The following OIP5 variants were observed in gnomAD, a reference collection of about 807,000 sequenced individuals.
OIP5 encodes protein Mis18-beta.
Under a neutral mutation model 20.3 loss-of-function variants are expected in OIP5, and 24 were observed. The ratio of observed to expected loss-of-function variants is 1.18; its 90% confidence interval spans 0.86 to 1.66. The LOEUF (loss-of-function observed/expected upper bound fraction) is 1.66, where lower values mean the gene tolerates loss of function less well. Ranked by LOEUF, OIP5 falls within the 40% of genes most tolerant of loss-of-function variation. The probability of loss-of-function intolerance (pLI) is 0.00; values close to 1 mark genes in which losing one functional copy is unlikely to be tolerated. For missense variants in OIP5, 339 were observed against 289.5 expected, an observed-to-expected ratio of 1.17 and a Z score of -1.24; for synonymous variants, 143 against 121.3, an observed-to-expected ratio of 1.18 and a Z score of -1.17.
chr15:41,316,205 G>A (rs1389804549), intron 3 of OIP5, among the ~76,000 whole-genome samples: 1 of 152,108 alleles, frequency 6.6e-6, no homozygotes, highest in African/African-American at 2.4e-5. Context: ...TAACATTTTG[G>A]GAAGCCCAGG....
At chr15:41,331,010 G>A (rs910006264) in intron 2 of OIP5, among the ~76,000 whole-genome samples, 5 of 152,110 alleles carry the variant, frequency 3.3e-5, no homozygotes, top group Non-Finnish European at 7.4e-5. Context: ...TTTTATTCAG[G>A]AAAAAGAAAG....
Position 41,309,765 on chromosome 15 carries a change from G to T in OIP5, c.679C>A (p.Pro227Thr), listed in dbSNP as rs772241361. Residue 227 changes from proline (P) to threonine (T), a missense_variant, in exon 5 of 5, where the codon CCA becomes ACA. Physicochemically the swap from Pro to Thr is conservative, Grantham distance 38. Coordinates refer to ENST00000220514, the MANE Select transcript of OIP5 (RefSeq NM_007280.2). ...LSEVTPDQSK[P>T]EN ...GCTTTGGTACAGGATCAGTTTTCTG[G>T]CTTGGACTGGTCAGGAGTCACTTCA... The T allele has an allele frequency of 1.2e-6, 2 of 1,612,560 alleles. No homozygotes were observed. Among genetic ancestry groups the T allele is most frequent in the Admixed American group, 1.7e-5 (1 of 60,010 alleles).
intron 2 of OIP5, among the ~76,000 whole-genome samples, chr15:41,323,945 GAGA>G (rs1168301593): frequency 6.6e-6 from 1 of 150,404 alleles, no homozygotes; most frequent in Non-Finnish European, 1.5e-5. Context: ...TTTTGTTATG[GAGA>G]AGGTTTCTTT....
chr15:41,321,238 C>CG (rs1186566522), intron 2 of OIP5, among the ~76,000 whole-genome samples: 2 of 148,748 alleles, frequency 1.3e-5, no homozygotes, highest in Non-Finnish European at 3.0e-5. Flanking sequence ...CCGCCCCGTC[C>CG]GGGAGGGAGG....
intron 2 of OIP5, among the ~76,000 whole-genome samples, chr15:41,324,145 C>G (rs2047847352): frequency 6.6e-6 from 1 of 151,974 alleles, no homozygotes; most frequent in Non-Finnish European, 1.5e-5. Flanking sequence ...AGGTGTGCGC[C>G]ACCACATCCG....
chr15:41,325,609 G>A (rs1286511802), intron 2 of OIP5, among the ~76,000 whole-genome samples: 1 of 151,640 alleles, frequency 6.6e-6, no homozygotes, highest in Non-Finnish European at 1.5e-5. Context: ...CCAGCACTAT[G>A]GGAAGCCAAG....
chr15:41,309,633 A>G lies in OIP5; in HGVS notation c.*121T>C, dbSNP rs1259899209. On this transcript the variant is annotated 3_prime_UTR_variant, in exon 5 of 5. Coordinates refer to ENST00000220514, the MANE Select transcript of OIP5 (RefSeq NM_007280.2). Reference sequence around the variant, plus strand: ...AATTTGGAAAATCAGCCTAAAGGTAAATAGAAACTGCATTTCCCCTCCATT... The same window carrying G: ...AATTTGGAAAATCAGCCTAAAGGTAGATAGAAACTGCATTTCCCCTCCATT... The G allele has an allele frequency of 6.4e-6, 4 of 626,096 alleles. No individual in the cohort carries two copies. The African/African-American group carries it at 7.5e-5, about 12-fold the overall frequency. 38.8% of individuals were successfully genotyped at this position (626,096 alleles called of 1,614,324 possible). A position where few individuals can be genotyped will look rare whatever the true frequency, so the allele number is the denominator to read the frequency against.
intron 3 of OIP5, among the ~76,000 whole-genome samples, chr15:41,315,087 G>A (rs1399379498): frequency 7.0e-6 from 1 of 143,184 alleles, no homozygotes; most frequent in Non-Finnish European, 1.5e-5. Flanking sequence ...GTGTGACAGT[G>A]AGACCCTGTC....
intron 4 of OIP5, among the ~76,000 whole-genome samples, chr15:41,310,628 C>CAA (rs1240547687): frequency 2.0e-4 from 12 of 60,344 alleles, no homozygotes; most frequent in East Asian, 5.0e-4. Context: ...GACTCCGTCT[C>CAA]AAAAAAAAAA....
At chr15:41,321,425 C>T (rs1167433390) in intron 2 of OIP5, among the ~76,000 whole-genome samples, 1 of 152,186 alleles carries the variant, frequency 6.6e-6, no homozygotes, top group Non-Finnish European at 1.5e-5. Context: ...GGGAGGTGTA[C>T]CCAACAGCTC....
chr15:41,321,007 C>G (rs913850703), intron 2 of OIP5, among the ~76,000 whole-genome samples: 3 of 150,960 alleles, frequency 2.0e-5, no homozygotes, highest in African/African-American at 7.3e-5. Flanking sequence ...CGTCTCTGCC[C>G]GGCTGCCCCA....
chr15:41,309,875 A>C, intron 4 of OIP5, 26 bp from the exon 5 acceptor site: 1 of 1,500,380 alleles, frequency 6.7e-7, no homozygotes, highest in Non-Finnish European at 9.2e-7. Flanking sequence ...TATAGATATC[A>C]GGGCATCTTT....
At position 41,332,348 on chromosome 15, in the gene OIP5, G is replaced by C; in HGVS notation, c.214C>G (p.Pro72Ala). The C allele has an allele frequency of 6.2e-7, 1 of 1,612,474 alleles. No homozygotes were observed. The highest frequency in any genetic ancestry group is 8.5e-7 in the Non-Finnish European group (1 of 1,179,184). ...CACTGGAACACAGCGCACCTCTCAG[G>C]CTGCAGCCAAGACGGCAGCTGCGGG... ...AGPQLPSWLQ[P>A]ERCAVFQCAQ... The change falls in exon 1 of 5, where the codon CCT becomes GCT. Residue 72 changes from proline (P) to alanine (A), a missense_variant. Pro to Ala is a conservative substitution (Grantham distance 27). Transcript: ENST00000220514.
At chr15:41,329,143 G>C (rs1337385486) in intron 2 of OIP5, among the ~76,000 whole-genome samples, 1 of 148,524 alleles carries the variant, frequency 6.7e-6, no homozygotes, top group East Asian at 2.0e-4. Flanking sequence ...TCTTTTAGCT[G>C]CATCATTAAT....
chr15:41,316,554 C>T (rs2047789543), intron 3 of OIP5, among the ~76,000 whole-genome samples: 1 of 151,960 alleles, frequency 6.6e-6, no homozygotes, highest in South Asian at 2.1e-4. Context: ...CCTTAGGAGG[C>T]CAAGGCGGGC....
At chr15:41,314,043 T>C (rs761615789) in intron 3 of OIP5, among the ~76,000 whole-genome samples, 18 of 152,152 alleles carry the variant, frequency 1.2e-4, no homozygotes, top group Non-Finnish European at 2.4e-4. Flanking sequence ...GTAGCACAGT[T>C]TGAAAGAAAG....
intron 2 of OIP5, among the ~76,000 whole-genome samples, chr15:41,331,563 C>G (rs1401941106): frequency 1.3e-5 from 2 of 152,042 alleles, no homozygotes; most frequent in Non-Finnish European, 2.9e-5. Context: ...CCAGCCTGGG[C>G]GAGAGCAAGA....
intron 3 of OIP5, among the ~76,000 whole-genome samples, chr15:41,314,484 T>C (rs2047777868): frequency 6.6e-6 from 1 of 152,056 alleles, no homozygotes; most frequent in South Asian, 2.1e-4. Context: ...GAGGTGATCA[T>C]GTGACATAGT....
At chr15:41,330,437 GTC>G (rs1398532282) in intron 2 of OIP5, among the ~76,000 whole-genome samples, 12 of 139,142 alleles carry the variant, frequency 8.6e-5, no homozygotes, top group African/African-American at 3.0e-4. Context: ...TTGATACGGA[GTC>G]TGTCGCCCAG....
Sources: allele counts gnomAD v4.1 joint callset (sites outside exome capture counted in the v4.1 genomes callset), GRCh38; gene constraint gnomAD v4.1.1; transcripts MANE v1.5; gene names NCBI Gene and HGNC (gene_info 2026-07-23, HGNC 2026-07-21).